Variants in FNDC3B observed in about 807,000 individuals in gnomAD.
FNDC3B encodes the protein fibronectin type III domain containing 3B.
In FNDC3B, 12 loss-of-function variants were observed where a neutral mutation model predicts 151.5. The ratio of observed to expected loss-of-function variants is 0.08; its 90% confidence interval spans 0.05 to 0.13. The LOEUF is 0.13. FNDC3B is among the 10% of genes least tolerant of loss of function. FNDC3B has a pLI of 1.00. For synonymous variants in FNDC3B, 528 were observed against 549.0 expected (o/e 0.96, Z 0.54); for missense variants, 1,214 against 1,505.3 (o/e 0.81, Z 3.20).
chr3:172,167,665 TGGCATGTTAGGAACCAGGCCACACAGCA>T (rs1463008541), intron 3 of FNDC3B, among the ~76,000 whole-genome samples: 2 of 152,184 alleles, frequency 1.3e-5, no homozygotes, highest in Non-Finnish European at 2.9e-5. Context: ...TACCTGTCTG[TGGCATGTTAGGAACCAGGCCACACAGCA>T]GGAGGTGAGT....
intron 3 of FNDC3B, among the ~76,000 whole-genome samples, chr3:172,223,563 G>T (rs1431330381): frequency 6.6e-6 from 1 of 152,120 alleles, no homozygotes; most frequent in Non-Finnish European, 1.5e-5. Context: ...GTCATGCCTG[G>T]GGTTAAGAGA....
intron 25 of FNDC3B, among the ~76,000 whole-genome samples, chr3:172,385,142 G>T (rs1735641622): frequency 6.6e-6 from 1 of 151,040 alleles, no homozygotes; most frequent in African/African-American, 2.4e-5. Context: ...GTACTTCATT[G>T]TTCTGGACAT....
intron 3 of FNDC3B, among the ~76,000 whole-genome samples, chr3:172,166,428 C>A (rs561154279): frequency 6.6e-6 from 1 of 151,064 alleles, no homozygotes; most frequent in African/African-American, 2.4e-5. Context: ...CATTGAAATG[C>A]TCCTTACCAT....
intron 1 of FNDC3B, among the ~76,000 whole-genome samples, chr3:172,105,680 G>A (rs552374367): frequency 1.3e-4 from 20 of 150,446 alleles, no homozygotes; most frequent in African/African-American, 4.7e-4. Flanking sequence ...CTCGAACTTC[G>A]GAGCTCAAGC....
At position 172,219,208 on chromosome 3, in the gene FNDC3B, A is replaced by G. The variant is rs189819899; in HGVS notation, c.188-7663A>G. Reference sequence around the variant, plus strand: ...TTTTTAAATCTTGTAAAATTTAGACAGTGCCTGAAATGCCTTCTTGTGTTT... The same window carrying G: ...TTTTTAAATCTTGTAAAATTTAGACGGTGCCTGAAATGCCTTCTTGTGTTT... On this transcript the variant is annotated intron_variant, in intron 3 of 25. Coordinates refer to ENST00000415807, the MANE Select transcript of FNDC3B (RefSeq NM_022763.4). Among the ~76,000 whole-genome samples, 3 of 152,352 alleles carry G rather than the reference A, an allele frequency of 2.0e-5. No individual in the cohort carries two copies. In the East Asian group the frequency reaches 5.8e-4, roughly 29 times the overall value.
intron 10 of FNDC3B, among the ~76,000 whole-genome samples, chr3:172,310,586 G>A (rs1731422776): frequency 6.6e-6 from 1 of 152,186 alleles, no homozygotes; most frequent in South Asian, 2.1e-4. Context: ...TGGTGGTGGT[G>A]GTAGGTAGGT....
At chr3:172,350,711 G>A (rs1733813013) in intron 21 of FNDC3B, among the ~76,000 whole-genome samples, 1 of 152,124 alleles carries the variant, frequency 6.6e-6, no homozygotes, top group African/African-American at 2.4e-5. Context: ...AACTTAGCTG[G>A]GTGTGGTGGT....
intron 16 of FNDC3B, 86 bp downstream of exon 16, chr3:172,337,487 T>C: frequency 1.2e-6 from 1 of 846,562 alleles, no homozygotes; most frequent in Non-Finnish European, 2.0e-6. Flanking sequence ...TAATAGTGAG[T>C]AATCATTAAT....
intron 25 of FNDC3B, among the ~76,000 whole-genome samples, chr3:172,391,628 G>T (rs1736013252): frequency 6.6e-6 from 1 of 152,242 alleles, no homozygotes; most frequent in South Asian, 2.1e-4. Context: ...AAAAGAATCA[G>T]TGAAAGAGGT....
chr3:172,182,416 C>T (rs1723958809), intron 3 of FNDC3B, among the ~76,000 whole-genome samples: 1 of 152,164 alleles, frequency 6.6e-6, no homozygotes, highest in East Asian at 1.9e-4. Context: ...CTTCCTGGAG[C>T]TGGGAGTTTC....
In FNDC3B at chr3:172,397,665, ATTTT is replaced by A. The variant is rs879363297; in HGVS notation, c.*198_*201del. 16 of 279,894 alleles carry A rather than the reference ATTTT, an allele frequency of 5.7e-5. No individual in the cohort carries two copies. The highest frequency in any genetic ancestry group is 5.3e-4 in the African/African-American group (13 of 24,754). The allele number at this position is 279,894 out of a possible 1,614,324, so 17.3% of individuals were successfully genotyped here. ...CAAAACTAGGAAAAGGTTAAACTGGATTTTTTTTTTTAAAAAAAAGAAAAAAAAA... is the reference window on the plus strand; with the variant it reads ...CAAAACTAGGAAAAGGTTAAACTGGATTTTTTTAAAAAAAAGAAAAAAAAA... On this transcript the variant is annotated 3_prime_UTR_variant, in exon 26 of 26. Coordinates refer to ENST00000415807, the MANE Select transcript of FNDC3B (RefSeq NM_022763.4).
intron 3 of FNDC3B, among the ~76,000 whole-genome samples, chr3:172,138,155 T>C (rs977380982): frequency 2.0e-4 from 30 of 152,226 alleles, no homozygotes; most frequent in African/African-American, 7.2e-4. Context: ...AAGAGCTCTC[T>C]CAGACCACTG....
At chr3:172,362,591 C>A in intron 22 of FNDC3B, 42 bp from the exon 23 acceptor site, 1 of 1,420,064 alleles carries the variant, frequency 7.0e-7, no homozygotes, top group Non-Finnish European at 1.0e-6. Flanking sequence ...ATTGCTGCTG[C>A]TTTAACCTGC....
At chr3:172,164,282 A>G (rs1160314755) in intron 3 of FNDC3B, among the ~76,000 whole-genome samples, 2 of 152,366 alleles carry the variant, frequency 1.3e-5, no homozygotes, top group Middle Eastern at 3.4e-3. Context: ...TTGATATGCT[A>G]CAAGCAATAA....
intron 11 of FNDC3B, among the ~76,000 whole-genome samples, chr3:172,318,357 T>C (rs2108266361): frequency 6.6e-6 from 1 of 152,356 alleles, no homozygotes; most frequent in South Asian, 2.1e-4. Context: ...GATTGCAGCT[T>C]CTTGGACTTC....
chr3:172,390,104 C>A (rs1371572182), intron 25 of FNDC3B, among the ~76,000 whole-genome samples: 1 of 152,170 alleles, frequency 6.6e-6, no homozygotes, highest in Non-Finnish European at 1.5e-5. Flanking sequence ...CGCTGAGCAT[C>A]TACTTTGTTC....
intron 9 of FNDC3B, among the ~76,000 whole-genome samples, chr3:172,300,032 A>G (rs1050488555): frequency 2.0e-5 from 3 of 152,234 alleles, no homozygotes; most frequent in East Asian, 1.9e-4. Context: ...CTGCTCAGCT[A>G]TCATATTGTT....
chr3:172,202,992 G>T (rs1326816901), intron 3 of FNDC3B, among the ~76,000 whole-genome samples: 1 of 152,118 alleles, frequency 6.6e-6, no homozygotes. Context: ...TTTTTAGCTT[G>T]TGAGCTGTAC....
At position 172,251,406 on chromosome 3, in the gene FNDC3B, A is replaced by G. The variant is rs1728067521; in HGVS notation, c.655A>G (p.Thr219Ala). 3.7e-6 allele frequency: 6 copies of G among 1,614,132 alleles called. No homozygotes were observed. The highest frequency in any genetic ancestry group is 5.1e-6 in the Non-Finnish European group (6 of 1,180,014). ...TTCTTCTATCTACAAAAGCAGCTGC[A>G]CAACAGTATACAATGGCTATGGGAA... ...PPSSIYKSSC[T>A]TVYNGYGKGH... Residue 219 changes from threonine to alanine, a missense_variant, in exon 6 of 26, where the codon ACA becomes GCA. Thr to Ala is a moderately conservative substitution (Grantham distance 58). This residue lies in a region of FNDC3B where 166 missense variants were observed against 173.2 expected (regional missense o/e 0.96). Transcript: ENST00000415807.
Sources: allele counts gnomAD v4.1 joint callset (sites outside exome capture counted in the v4.1 genomes callset), GRCh38; gene constraint gnomAD v4.1.1; regional missense constraint gnomAD v4.1.1; transcripts MANE v1.5; gene names NCBI Gene and HGNC (gene_info 2026-07-23, HGNC 2026-07-21).